CHAF1A: variants seen among roughly 807,000 people sequenced by gnomAD.
The protein encoded by CHAF1A is CAF-1 subunit A.
Under a neutral mutation model 93.2 loss-of-function variants are expected in CHAF1A, and 5 were observed. The ratio of observed to expected loss-of-function variants is 0.05; its 90% CI spans 0.03 to 0.11. The LOEUF (loss-of-function observed/expected upper bound fraction) is 0.11, where lower values mean the gene tolerates loss of function less well. Among genes scored for constraint, CHAF1A ranks in the 10% least tolerant of loss-of-function variants. The pLI is 1.00. For missense variants in CHAF1A, 1,102 were observed against 1,259.9 expected, an observed-to-expected ratio of 0.87 and a Z score of 1.90; for synonymous variants, 504 against 510.3, an observed-to-expected ratio of 0.99 and a Z score of 0.17.
rs776192737 is a variant in CHAF1A, at chr19:4,409,276, G to A, written c.477G>A (p.Gly159=). The A allele has an allele frequency of 3.1e-6, 5 of 1,614,142 alleles. No homozygotes were observed. The highest frequency in any genetic ancestry group is 1.7e-6 in the Non-Finnish European group (2 of 1,180,022). Residue 159 remains glycine, a synonymous_variant, in exon 3 of 15, where the codon GGG becomes GGA. Coordinates refer to ENST00000301280, the MANE Select transcript of CHAF1A (RefSeq NM_005483.3). ...GQREDTGDQQ[G]LLKAIQNDKL... ...GAGAAGACACTGGGGATCAGCAGGGGTTGTTGAAGGCCATTCAGAACGACA... is the reference window on the plus strand; with the variant it reads ...GAGAAGACACTGGGGATCAGCAGGGATTGTTGAAGGCCATTCAGAACGACA...
chr19:4,408,461 C>CTTTTTTTTTT (rs778100682), intron 2 of CHAF1A, among the ~76,000 whole-genome samples: 1,264 of 36,018 alleles, frequency 0.035, 413 homozygotes, highest in East Asian at 0.082. Flanking sequence ...CGCACCCGGC[C>CTTTTTTTTTT]TTTTTTTTTT....
At chr19:4,414,912 G>A (rs988706758) in intron 3 of CHAF1A, among the ~76,000 whole-genome samples, 1 of 152,198 alleles carries the variant, frequency 6.6e-6, no homozygotes, top group African/African-American at 2.4e-5. Context: ...CCTGCTGTCA[G>A]GTTTTAGCGG....
chr19:4,421,709 G>A lies in CHAF1A; in HGVS notation c.1018-857G>A, dbSNP rs535741025. ...GAGGATCACTTGAGCCTGGGAGGTC[G>A]AGGCTGCAGCCAGCTATGACTGCAC... On this transcript the variant is annotated intron_variant, in intron 4 of 14. Transcript: ENST00000301280. Among the ~76,000 whole-genome samples the A allele has an allele frequency of 2.7e-4, 41 of 152,262 alleles. No individual in the cohort carries two copies. The East Asian group carries it at 7.6e-3, about 28-fold the overall frequency.
At chr19:4,409,816 T>C in intron 3 of CHAF1A, 57 bp downstream of exon 3, 1 of 1,537,822 alleles carries the variant, frequency 6.5e-7, no homozygotes, top group Non-Finnish European at 8.8e-7. Context: ...CAGAGCGCTG[T>C]CAGTCTCCAC....
rs758659860 is a variant in CHAF1A at position 4,429,597 on chromosome 19, C to T, written c.1764C>T (p.Ala588=). 1.2e-5 allele frequency: 19 copies of T among 1,613,950 alleles called. No individual in the cohort carries two copies. Among genetic ancestry groups the T allele is most frequent in the Admixed American group, 3.3e-5 (2 of 59,976 alleles). The change falls in exon 9 of 15, where the codon GCC becomes GCT. Residue 588 remains alanine (A), a synonymous_variant. Coordinates refer to ENST00000301280, the MANE Select transcript of CHAF1A (RefSeq NM_005483.3). ...TCATCCGCGCGCGAGACCCCTGGGC[C>T]CAGGACACGGTGAGCTAGCCCCAGA... ...TALIRARDPW[A]QDTKLLDYEV... is the part of the protein sequence containing the mutation.
intron 9 of CHAF1A, 49 bp downstream of exon 9, chr19:4,429,655 C>T (rs886242273): frequency 4.3e-6 from 7 of 1,613,734 alleles, no homozygotes; most frequent in African/African-American, 4.0e-5. Flanking sequence ...TCACTGTGCC[C>T]CTTTCCTCCA....
rs956544723 is a variant in CHAF1A, at chr19:4,423,931, T to C, written c.1377+57T>C. ...TCAGCTCTGCTAGACTTTTCCTTTC[T>C]GAAAGTGAAAGGGTCTCTCCCCAGC... On this transcript the variant is annotated intron_variant, in intron 7 of 14. Transcript: ENST00000301280. 11 of 1,499,920 alleles carry C rather than the reference T, an allele frequency of 7.3e-6. No homozygotes were observed. In the African/African-American group the frequency reaches 1.5e-4, roughly 21 times the overall value. 92.9% of individuals were successfully genotyped at this position (1,499,920 alleles called of 1,614,324 possible).
chr19:4,422,921 C>T lies in CHAF1A; in HGVS notation c.1247+126C>T. The T allele has an allele frequency of 1.1e-6, 1 of 928,700 alleles. No individual in the cohort carries two copies. The highest frequency in any genetic ancestry group is 1.6e-6 in the Non-Finnish European group (1 of 616,032). The allele number at this position is 928,700 out of a possible 1,614,324, so 57.5% of individuals were successfully genotyped here. On this transcript the variant is annotated intron_variant, in intron 5 of 14. Transcript: ENST00000301280. This position sits in a 1 kb window ranked among gnomAD's most constrained non-coding sequence, Gnocchi z 4.6. ...CTCCCTTCAGTTCCTTCCCATTTCT[C>T]CTTCGTGAGGTGCCCGTGGGGCCCT...
chr19:4,440,757 G>A (rs1974372136), intron 13 of CHAF1A, among the ~76,000 whole-genome samples: 1 of 151,840 alleles, frequency 6.6e-6, no homozygotes, highest in African/African-American at 2.4e-5. Context: ...GACCTGTGCA[G>A]CAGGTGACTG....
At chr19:4,444,567 C>T (rs1568186509), downstream of CHAF1A, 1 of 152,586 alleles carries the variant, frequency 6.6e-6, no homozygotes, top group Non-Finnish European at 1.5e-5. Flanking sequence ...CTTCCAGTCT[C>T]TCTCTGATTC....
rs140222119 is a variant in CHAF1A, at chr19:4,409,684, G to A, written c.885G>A (p.Ser295=). 3.4e-4 allele frequency: 550 copies of A among 1,614,080 alleles called. 1 individual carries two copies. The highest frequency in any genetic ancestry group is 1.3e-3 in the Middle Eastern group (8 of 6,062). Residue 295 remains serine (S), a synonymous_variant, in exon 3 of 15, where the codon TCG becomes TCA. Coordinates refer to ENST00000301280, the MANE Select transcript of CHAF1A (RefSeq NM_005483.3). ...TGAGCTCTCCCTCTTCCACCAGCTC[G>A]CCCGAGGGGCCGCCTGCTCCCCCAA... is the stretch of plus-strand genomic sequence containing the variant. The part of the protein sequence containing the change: ...SSLSSPSSTS[S]PEGPPAPPKQ...
chr19:4,440,704 C>T (rs1303012022), intron 13 of CHAF1A, among the ~76,000 whole-genome samples: 2 of 152,022 alleles, frequency 1.3e-5, no homozygotes, highest in East Asian at 1.9e-4. Flanking sequence ...GCCTGCCACA[C>T]GCCTGGGCCG....
downstream of CHAF1A, chr19:4,448,057 C>A (rs1727840113): frequency 5.4e-6 from 3 of 559,950 alleles, no homozygotes; most frequent in Non-Finnish European, 6.4e-6. Context: ...CCTGCCTCCT[C>A]CACATGTTCC....
intron 4 of CHAF1A, among the ~76,000 whole-genome samples, chr19:4,419,539 C>T (rs1973954122): frequency 6.6e-6 from 1 of 152,010 alleles, no homozygotes; most frequent in Admixed American, 6.6e-5. Context: ...AAGCGATTCT[C>T]CTGCCTCAGC....
At chr19:4,413,658 C>T (rs1380905110) in intron 3 of CHAF1A, among the ~76,000 whole-genome samples, 1 of 152,182 alleles carries the variant, frequency 6.6e-6, no homozygotes, top group Non-Finnish European at 1.5e-5. Context: ...GCTGGCTTGC[C>T]TTCTTTATTA....
At position 4,433,155 on chromosome 19, in the gene CHAF1A, G is replaced by A. The variant is rs1974218210; in HGVS notation, c.2289G>A (p.Arg763=). The A allele has an allele frequency of 6.2e-7, 1 of 1,613,544 alleles. No homozygotes were observed. Among genetic ancestry groups the A allele is most frequent in the East Asian group, 2.2e-5 (1 of 44,854 alleles). The change falls in exon 13 of 15, where the codon CGG becomes CGA. Residue 763 remains arginine (R), a synonymous_variant. Coordinates refer to ENST00000301280, the MANE Select transcript of CHAF1A (RefSeq NM_005483.3). This position sits in a 1 kb window ranked among gnomAD's most constrained non-coding sequence, Gnocchi z 5.6. The stretch of plus-strand genomic sequence containing the variant: ...GGGAGTTCCAGGAGCACTGCCGCCG[G>A]GGACTGCTCAGCAACCACACCGGCA... ...IIREFQEHCR[R]GLLSNHTGSP...
chr19:4,429,309 C>A, intron 8 of CHAF1A, 129 bp from the exon 9 acceptor site: 1 of 1,035,438 alleles, frequency 9.7e-7, no homozygotes, highest in Non-Finnish European at 1.4e-6. Flanking sequence ...TGGGGACAGG[C>A]AGTGCTGCTT....
At chr19:4,418,165 A>C (rs1973928204) in intron 4 of CHAF1A, 89 bp downstream of exon 4, 1 of 846,514 alleles carries the variant, frequency 1.2e-6, no homozygotes, top group Non-Finnish European at 1.9e-6. Flanking sequence ...CCTTTGGTCT[A>C]GTTTTTACAT....
intron 7 of CHAF1A, among the ~76,000 whole-genome samples, chr19:4,425,535 C>T (rs1974065746): frequency 6.6e-6 from 1 of 152,130 alleles, no homozygotes; most frequent in Admixed American, 6.6e-5. Context: ...TTAGTAGAGA[C>T]TGGGTCTCAC....
Sources: gnomAD v4.1 joint callset for allele counts (sites outside exome capture counted in the v4.1 genomes callset) on GRCh38, gnomAD v4.1.1 for gene constraint, Gnocchi (gnomAD v3.1) non-coding constraint, MANE v1.5 for transcripts, NCBI Gene and HGNC (gene_info 2026-07-23, HGNC 2026-07-21) for gene names.